NPAS3: variants seen among roughly 807,000 people sequenced by gnomAD.
NPAS3 encodes the protein neuronal PAS domain protein 3, also known as neuronal PAS domain-containing protein 3.
In NPAS3, 14 loss-of-function variants were observed where a neutral mutation model predicts 73.1. The ratio of observed to expected loss-of-function variants is 0.19; its 90% CI spans 0.13 to 0.30. The LOEUF (loss-of-function observed/expected upper bound fraction) is 0.30. Among genes scored for constraint, NPAS3 ranks in the 10% least tolerant of loss-of-function variants. NPAS3 has a pLI of 1.00. For synonymous variants in NPAS3, 620 were observed against 541.5 expected (o/e 1.14, Z -2.01); for missense variants, 1,096 against 1,250.0 (o/e 0.88, Z 1.86).
chr14:33,341,432 A>C (rs1307946650), intron 3 of NPAS3, among the ~76,000 whole-genome samples: 2 of 152,114 alleles, frequency 1.3e-5, no homozygotes, highest in African/African-American at 4.8e-5. Context: ...TTTATGGAAA[A>C]ATTTTATTTT....
At chr14:33,676,769 T>G (rs1026031717) in intron 6 of NPAS3, among the ~76,000 whole-genome samples, 1 of 152,208 alleles carries the variant, frequency 6.6e-6, no homozygotes, top group African/African-American at 2.4e-5. Context: ...TAGTAGCTCG[T>G]GGAGAATTAA....
chr14:33,068,218 T>C (rs2041348220), intron 2 of NPAS3, among the ~76,000 whole-genome samples: 1 of 152,248 alleles, frequency 6.6e-6, no homozygotes, highest in Non-Finnish European at 1.5e-5. Context: ...CACGTCAAGC[T>C]GTCTGTAATC....
rs2061987005 is a variant in NPAS3, at chr14:33,752,275, T to C, written c.852+16943T>C. On this transcript the variant is annotated intron_variant, in intron 7 of 11. Coordinates refer to ENST00000356141, the Ensembl canonical transcript of NPAS3. ...TTTTTCTTTCTCAAACATCTTTTTCTTCTCCAGATAATCAGTGCTCTCAAC... is the reference window on the plus strand; with the variant it reads ...TTTTTCTTTCTCAAACATCTTTTTCCTCTCCAGATAATCAGTGCTCTCAAC... Among the ~76,000 whole-genome samples the C allele has an allele frequency of 2.0e-5, 3 of 152,308 alleles. No homozygotes were observed. In the South Asian group the frequency reaches 6.2e-4, roughly 32 times the overall value.
chr14:33,503,877 T>A (rs1313665020), intron 4 of NPAS3, among the ~76,000 whole-genome samples: 1 of 152,004 alleles, frequency 6.6e-6, no homozygotes, highest in East Asian at 1.9e-4. Flanking sequence ...GAAACATTCG[T>A]AACTCAATAG....
chr14:33,447,624 A>G (rs12897109), intron 4 of NPAS3, among the ~76,000 whole-genome samples: 39,873 of 152,098 alleles, frequency 0.26, 5,386 homozygotes, highest in Middle Eastern at 0.31. Flanking sequence ...AGGGGTGAGA[A>G]CAGAATTGGC....
chr14:33,615,445 G>A (rs1466055079), intron 5 of NPAS3, among the ~76,000 whole-genome samples: 2 of 152,168 alleles, frequency 1.3e-5, no homozygotes, highest in African/African-American at 4.8e-5. Flanking sequence ...CATTAAGAAG[G>A]AGTAAGCGAG....
chr14:33,682,187 T>G (rs1054763907), intron 6 of NPAS3, among the ~76,000 whole-genome samples: 5 of 152,160 alleles, frequency 3.3e-5, no homozygotes, highest in Admixed American at 3.3e-4. Context: ...GATAAATCCA[T>G]CAGATAAACT....
At chr14:33,662,043 C>T (rs550794354) in intron 5 of NPAS3, among the ~76,000 whole-genome samples, 1 of 152,316 alleles carries the variant, frequency 6.6e-6, no homozygotes, top group South Asian at 2.1e-4. Flanking sequence ...AGGCACAACA[C>T]TATAGGTGAT....
At chr14:33,456,356 G>A (rs567181665) in intron 4 of NPAS3, among the ~76,000 whole-genome samples, 1 of 152,302 alleles carries the variant, frequency 6.6e-6, no homozygotes, top group South Asian at 2.1e-4. Flanking sequence ...CCTCATGAGG[G>A]CTGCTAAGCA....
intron 3 of NPAS3, among the ~76,000 whole-genome samples, chr14:33,225,521 T>C (rs541016288): frequency 3.9e-5 from 6 of 152,300 alleles, no homozygotes; most frequent in African/African-American, 1.4e-4. Context: ...GGCCATAAGG[T>C]CTCTGCTGCA....
At chr14:33,558,270 T>G (rs1276552072) in intron 4 of NPAS3, among the ~76,000 whole-genome samples, 4 of 152,132 alleles carry the variant, frequency 2.6e-5, no homozygotes, top group Admixed American at 1.3e-4. Context: ...AATTCACTTT[T>G]TTTTTTTTGA....
chr14:33,755,916 A>C (rs1006377557), intron 7 of NPAS3, among the ~76,000 whole-genome samples: 3 of 152,130 alleles, frequency 2.0e-5, no homozygotes, highest in Admixed American at 2.0e-4. Context: ...GGGAGGTGCC[A>C]GGTCTTTAAC....
intron 2 of NPAS3, among the ~76,000 whole-genome samples, chr14:33,129,630 TGTA>T (rs915645069): frequency 9.8e-5 from 15 of 152,296 alleles, no homozygotes; most frequent in African/African-American, 2.9e-4. Context: ...TGTTCCCAAT[TGTA>T]GTAGTTTTAG....
intron 5 of NPAS3, among the ~76,000 whole-genome samples, chr14:33,607,782 A>T (rs781159608): frequency 5.9e-5 from 9 of 152,210 alleles, no homozygotes; most frequent in Admixed American, 2.0e-4. Flanking sequence ...CAAGTGACTC[A>T]CAGTTCAGCA....
intron 4 of NPAS3, among the ~76,000 whole-genome samples, chr14:33,482,036 C>A (rs2051351004): frequency 6.8e-6 from 1 of 147,560 alleles, no homozygotes; most frequent in East Asian, 2.0e-4. Context: ...GTGGAAAATT[C>A]ATGAACTCAG....
At chr14:33,049,894 C>T (rs1370349118) in intron 1 of NPAS3, among the ~76,000 whole-genome samples, 1 of 152,224 alleles carries the variant, frequency 6.6e-6, no homozygotes, top group Non-Finnish European at 1.5e-5. Flanking sequence ...GTCTGATTCA[C>T]TGGAGGATAA....
At chr14:33,015,446 G>T (rs1481644862) in intron 1 of NPAS3, among the ~76,000 whole-genome samples, 2 of 152,188 alleles carry the variant, frequency 1.3e-5, no homozygotes, top group Non-Finnish European at 2.9e-5. Flanking sequence ...TAATAATGGG[G>T]ATGGAATTAA....
At chr14:33,409,429 G>A (rs2047818548) in intron 4 of NPAS3, among the ~76,000 whole-genome samples, 2 of 152,072 alleles carry the variant, frequency 1.3e-5, no homozygotes, top group Admixed American at 1.3e-4. Context: ...AGAGATTATA[G>A]GATTTGTTTC....
At chr14:33,045,025 TTTGACACAGC>T (rs1216786474) in intron 1 of NPAS3, among the ~76,000 whole-genome samples, 2 of 152,144 alleles carry the variant, frequency 1.3e-5, no homozygotes, top group East Asian at 1.9e-4. Flanking sequence ...CCATAGTTAC[TTTGACACAGC>T]TTGAGGGAAG....
Sources: allele counts gnomAD v4.1 joint callset (sites outside exome capture counted in the v4.1 genomes callset), GRCh38; gene constraint gnomAD v4.1.1; transcripts MANE v1.5; gene names NCBI Gene and HGNC (gene_info 2026-07-23, HGNC 2026-07-21).